The following TBL1XR1 variants were observed in gnomAD, a reference collection of about 807,000 sequenced individuals.
TBL1XR1 encodes F-box-like/WD repeat-containing protein TBL1XR1.
Under a neutral mutation model 66.9 loss-of-function variants are expected in TBL1XR1, and 5 were observed. The observed-to-expected ratio is 0.07, with a 90% confidence interval of 0.04 to 0.16. TBL1XR1 has a LOEUF of 0.16. Among genes scored for constraint, TBL1XR1 ranks in the 10% least tolerant of loss-of-function variants. The probability of loss-of-function intolerance (pLI) is 1.00; values close to 1 mark genes in which losing one functional copy is unlikely to be tolerated. For missense variants in TBL1XR1, 238 were observed against 623.2 expected, an observed-to-expected ratio of 0.38 and a Z score of 6.58; for synonymous variants, 210 against 206.0, an observed-to-expected ratio of 1.02 and a Z score of -0.17.
At chr3:177,180,452 T>C (rs1046007911) in intron 1 of TBL1XR1, among the ~76,000 whole-genome samples, 13 of 149,918 alleles carry the variant, frequency 8.7e-5, no homozygotes, top group African/African-American at 2.9e-4. Context: ...ATTTAAATAT[T>C]ACTCTCCTTG....
At chr3:177,117,808 CGATT>C (rs879926758) in intron 1 of TBL1XR1, among the ~76,000 whole-genome samples, 57 of 152,208 alleles carry the variant, frequency 3.7e-4, no homozygotes, top group Admixed American at 3.5e-3. Context: ...GTAAAACTGG[CGATT>C]TCTTTCCAAG....
chr3:177,135,790 A>G (rs1728923506), intron 1 of TBL1XR1, among the ~76,000 whole-genome samples: 1 of 151,896 alleles, frequency 6.6e-6, no homozygotes, highest in Non-Finnish European at 1.5e-5. Context: ...TCTTCCAACA[A>G]AGACAAGATT....
intron 2 of TBL1XR1, among the ~76,000 whole-genome samples, chr3:177,096,453 C>G (rs150605240): frequency 6.6e-6 from 1 of 151,892 alleles, no homozygotes; most frequent in Non-Finnish European, 1.5e-5. Context: ...AGTCTATGAG[C>G]GGTTATAAAA....
upstream of TBL1XR1, among the ~76,000 whole-genome samples, chr3:177,200,706 G>A (rs1381894482): frequency 1.3e-5 from 2 of 152,146 alleles, no homozygotes; most frequent in Non-Finnish European, 2.9e-5. Flanking sequence ...GTAAAGCAAA[G>A]GAACACATTA....
chr3:177,060,535 C>A (rs1462872506), intron 3 of TBL1XR1, among the ~76,000 whole-genome samples: 1 of 152,012 alleles, frequency 6.6e-6, no homozygotes, highest in African/African-American at 2.4e-5. Flanking sequence ...GAATTCTTTC[C>A]CTAAAGCAAA....
rs1041330516 is a variant in TBL1XR1 at position 177,116,223 on chromosome 3, T to C, written c.-121-17682A>G. On this transcript the variant is annotated intron_variant, in intron 1 of 15. Transcript: ENST00000457928. The stretch of plus-strand genomic sequence containing the variant: ...CCCCCAACCCATGTCACACAATGCA[T>C]TGCAAATTTTCTATGTATAAATTTA... 5.3e-5 allele frequency among the ~76,000 whole-genome samples: 8 copies of C among 152,268 alleles called. No individual in the cohort carries two copies. The South Asian group carries it at 8.3e-4, about 16-fold the overall frequency.
intron 10 of TBL1XR1, among the ~76,000 whole-genome samples, chr3:177,043,734 T>C (rs1320390608): frequency 2.0e-5 from 3 of 152,220 alleles, no homozygotes; most frequent in African/African-American, 7.2e-5. Flanking sequence ...ACTGTACTTC[T>C]GTTTATCTCT....
intron 1 of TBL1XR1, among the ~76,000 whole-genome samples, chr3:177,193,593 G>A (rs1577455242): frequency 6.6e-6 from 1 of 152,202 alleles, no homozygotes; most frequent in East Asian, 1.9e-4. Context: ...ACAGGCGTGA[G>A]CCACTGCACC....
Position 177,167,742 on chromosome 3 carries a change from C to G in TBL1XR1, c.-122+29379G>C, listed in dbSNP as rs193160892. The stretch of plus-strand genomic sequence containing the variant: ...GGTTGGGAGTTCGAGACCAGCCTGA[C>G]TAACATGGAAAAACCCCATCTCTAC... On this transcript the variant is annotated intron_variant, in intron 1 of 15. Transcript: ENST00000457928. 5.3e-5 allele frequency among the ~76,000 whole-genome samples: 8 copies of G among 152,272 alleles called. 1 individual carries two copies. In the South Asian group the frequency reaches 1.5e-3, roughly 28 times the overall value.
At chr3:177,087,695 T>A (rs550595227) in intron 2 of TBL1XR1, among the ~76,000 whole-genome samples, 1,743 of 75,524 alleles carry the variant, frequency 0.023, 39 homozygotes, top group African/African-American at 0.07. Flanking sequence ...CAAGCAAAAT[T>A]TTTTTTTTTT....
chr3:177,030,823 T>C (rs1479804179), intron 14 of TBL1XR1, among the ~76,000 whole-genome samples: 1 of 152,178 alleles, frequency 6.6e-6, no homozygotes, highest in Non-Finnish European at 1.5e-5. Context: ...AAAGTTTAGT[T>C]GGGTGAGGCC....
At chr3:177,117,934 T>C (rs1452937170) in intron 1 of TBL1XR1, among the ~76,000 whole-genome samples, 1 of 152,186 alleles carries the variant, frequency 6.6e-6, no homozygotes, top group African/African-American at 2.4e-5. Context: ...ATTTTTATAC[T>C]ATGCAAGGTA....
chr3:177,174,976 TAA>T (rs993616848), intron 1 of TBL1XR1, among the ~76,000 whole-genome samples: 4 of 152,204 alleles, frequency 2.6e-5, no homozygotes, highest in Non-Finnish European at 5.9e-5. Context: ...TTTACCAACT[TAA>T]AAACTGTACG....
intron 2 of TBL1XR1, among the ~76,000 whole-genome samples, chr3:177,071,359 T>C (rs1183169334): frequency 1.3e-5 from 2 of 152,072 alleles, no homozygotes; most frequent in African/African-American, 2.4e-5. Context: ...GCCAGGGTAA[T>C]AAATACTACC....
At chr3:177,159,851 T>G (rs906142128) in intron 1 of TBL1XR1, among the ~76,000 whole-genome samples, 2 of 152,218 alleles carry the variant, frequency 1.3e-5, no homozygotes, top group Non-Finnish European at 2.9e-5. Flanking sequence ...TGCATCTTCA[T>G]AAGGATGCTA....
intron 1 of TBL1XR1, among the ~76,000 whole-genome samples, chr3:177,193,225 C>T (rs1234680903): frequency 1.3e-5 from 2 of 151,548 alleles, no homozygotes; most frequent in Non-Finnish European, 2.9e-5. Flanking sequence ...AACATCACAG[C>T]TAGTAAAGGA....
intron 2 of TBL1XR1, among the ~76,000 whole-genome samples, chr3:177,088,480 A>G (rs1722427521): frequency 6.6e-6 from 1 of 152,220 alleles, no homozygotes; most frequent in Admixed American, 6.5e-5. Flanking sequence ...ATCCAAGTAA[A>G]TATGAAATCT....
intron 1 of TBL1XR1, chr3:177,196,389 C>T (rs1736849441): frequency 1.3e-5 from 2 of 152,234 alleles, no homozygotes; most frequent in East Asian, 1.9e-4. Context: ...AACCCAACTT[C>T]AAAGAGCCTC....
chr3:177,077,144 A>T (rs979383303), intron 2 of TBL1XR1, among the ~76,000 whole-genome samples: 7 of 152,230 alleles, frequency 4.6e-5, no homozygotes, highest in Admixed American at 3.3e-4. Context: ...CTGTCTACTA[A>T]CAAAGAACAC....
Sources: gnomAD v4.1 joint callset for allele counts (sites outside exome capture counted in the v4.1 genomes callset) on GRCh38, gnomAD v4.1.1 for gene constraint, MANE v1.5 for transcripts, NCBI Gene and HGNC (gene_info 2026-07-23, HGNC 2026-07-21) for gene names.